The following KAZN variants were observed in gnomAD, a reference collection of about 807,000 sequenced individuals.
KAZN encodes the protein kazrin, periplakin interacting protein, also known as kazrin.
A neutral mutation model predicts 87.4 loss-of-function variants in KAZN; 40 were observed. The observed-to-expected ratio is 0.46, with a 90% CI of 0.36 to 0.60. KAZN has a LOEUF of 0.60. KAZN is among the 20% of genes least tolerant of loss of function. KAZN has a pLI of 0.00. For missense variants in KAZN, 898 were observed against 1,073.9 expected (o/e 0.84, Z 2.29); for synonymous variants, 466 against 458.3 (o/e 1.02, Z -0.22).
intron 1 of KAZN, among the ~76,000 whole-genome samples, chr1:14,117,710 A>C (rs1185568072): frequency 6.6e-6 from 1 of 152,134 alleles, no homozygotes; most frequent in African/African-American, 2.4e-5. Flanking sequence ...GAGCCTGGCC[A>C]TGTCACTTAG....
At chr1:14,818,542 G>A (rs1334618452) in intron 1 of KAZN, among the ~76,000 whole-genome samples, 3 of 152,226 alleles carry the variant, frequency 2.0e-5, no homozygotes, top group Non-Finnish European at 4.4e-5. Flanking sequence ...AGCAGGAGCT[G>A]CAGCTTTGAG....
intron 1 of KAZN, among the ~76,000 whole-genome samples, chr1:14,781,823 C>T (rs1015220399): frequency 3.3e-5 from 5 of 152,174 alleles, no homozygotes; most frequent in Admixed American, 1.3e-4. Flanking sequence ...GCTCAATAAA[C>T]GGAAGCTATT....
At chr1:14,644,800 C>A (rs1387756314) in intron 1 of KAZN, among the ~76,000 whole-genome samples, 1 of 152,174 alleles carries the variant, frequency 6.6e-6, no homozygotes, top group Non-Finnish European at 1.5e-5. Flanking sequence ...TGCAGAAGCT[C>A]TTTAATTAAA....
chr1:15,103,196 G>A (rs1283035645), intron 11 of KAZN, among the ~76,000 whole-genome samples, 163 bp from the exon 12 acceptor site: 1 of 152,176 alleles, frequency 6.6e-6, no homozygotes, highest in African/African-American at 2.4e-5. Flanking sequence ...GAACCTGGGA[G>A]GCGGAGGTTG....
intron 1 of KAZN, among the ~76,000 whole-genome samples, chr1:13,981,738 T>G (rs942839328): frequency 6.6e-6 from 1 of 151,972 alleles, no homozygotes; most frequent in Non-Finnish European, 1.5e-5. Context: ...GAAAGAGAGG[T>G]CAGGGAAGCT....
At chr1:15,028,333 C>T (rs1354981014) in intron 2 of KAZN, among the ~76,000 whole-genome samples, 11 of 152,174 alleles carry the variant, frequency 7.2e-5, no homozygotes, top group African/African-American at 2.4e-4. Flanking sequence ...GAATAGGACC[C>T]GCGTGGGTGA....
intron 4 of KAZN, among the ~76,000 whole-genome samples, chr1:15,055,352 C>T (rs1674838823): frequency 6.6e-6 from 1 of 152,148 alleles, no homozygotes. Flanking sequence ...TGGCACATGC[C>T]TGTAATCCTA....
At chr1:14,542,299 T>TG (rs900755098) in intron 2 of KAZN, among the ~76,000 whole-genome samples, 1 of 29,258 alleles carries the variant, frequency 3.4e-5, no homozygotes, top group Non-Finnish European at 6.4e-5. Context: ...TGTTGTGGGG[T>TG]GGGGGGAGGG....
At chr1:14,945,875 C>G (rs1005102184) in intron 1 of KAZN, 2 of 985,306 alleles carry the variant, frequency 2.0e-6, no homozygotes, top group African/African-American at 3.5e-5. Flanking sequence ...AAGACTTGCT[C>G]TCCTTTCCTG....
intron 2 of KAZN, among the ~76,000 whole-genome samples, chr1:15,000,208 C>T (rs1168180051): frequency 1.3e-5 from 2 of 149,442 alleles, no homozygotes; most frequent in Non-Finnish European, 2.9e-5. Context: ...GACTTTCAGG[C>T]TAGAGGACAG....
intron 2 of KAZN, among the ~76,000 whole-genome samples, chr1:14,574,046 G>T (rs11808907): frequency 0.017 from 2,526 of 152,060 alleles, 77 homozygotes; most frequent in African/African-American, 0.058. Context: ...ATGACATAAC[G>T]TTTCCAATGA....
rs377069945 is a variant in KAZN, at chr1:14,862,986, G to A, written c.227-97698G>A. Among the ~76,000 whole-genome samples, 83 of 152,338 alleles carry A rather than the reference G, an allele frequency of 5.4e-4. 2 individuals carry two copies. The South Asian group carries it at 0.015, about 27-fold the overall frequency. On this transcript the variant is annotated intron_variant, in intron 1 of 14. Coordinates refer to ENST00000376030, the MANE Select transcript of KAZN (RefSeq NM_201628.3). The stretch of plus-strand genomic sequence containing the variant: ...AAGTTACCCGCAAAGCTGAGAAAAG[G>A]TGGAGCTGAGATTCGGTCTTAGGGC...
chr1:14,649,780 C>A (rs1459600139), intron 1 of KAZN, among the ~76,000 whole-genome samples: 1 of 152,172 alleles, frequency 6.6e-6, no homozygotes, highest in Non-Finnish European at 1.5e-5. Flanking sequence ...AACCTCACTC[C>A]AACATCATCT....
chr1:13,963,759 C>CTGTGTGTGTGTG (rs70987708), intron 1 of KAZN, among the ~76,000 whole-genome samples: 19 of 142,006 alleles, frequency 1.3e-4, no homozygotes, highest in South Asian at 4.8e-4. Flanking sequence ...CTGCTGTGGT[C>CTGTGTGTGTGTG]TGTGTGTGTG....
intron 2 of KAZN, among the ~76,000 whole-genome samples, chr1:14,965,329 T>C (rs779347568): frequency 1.3e-5 from 2 of 152,178 alleles, no homozygotes; most frequent in Non-Finnish European, 2.9e-5. Flanking sequence ...TCATCAATGG[T>C]ATCATCTTAT....
chr1:14,620,350 G>A (rs1375397979), intron 1 of KAZN, among the ~76,000 whole-genome samples: 1 of 152,178 alleles, frequency 6.6e-6, no homozygotes, highest in Admixed American at 6.5e-5. Flanking sequence ...ATTCACACAA[G>A]GCTCAGCAAT....
At chr1:14,557,430 T>A (rs1186377323) in intron 2 of KAZN, among the ~76,000 whole-genome samples, 1 of 152,168 alleles carries the variant, frequency 6.6e-6, no homozygotes, top group Non-Finnish European at 1.5e-5. Context: ...GATACATAAA[T>A]GAGAGAATGG....
chr1:14,358,087 CA>C (rs1239621306), intron 2 of KAZN, among the ~76,000 whole-genome samples: 6 of 152,078 alleles, frequency 3.9e-5, no homozygotes, highest in Non-Finnish European at 8.8e-5. Flanking sequence ...ATTACTGCCT[CA>C]ATTTCAGTGC....
chr1:14,688,319 T>G (rs550244608), intron 1 of KAZN, among the ~76,000 whole-genome samples: 158 of 152,294 alleles, frequency 1.0e-3, no homozygotes, highest in Non-Finnish European at 1.8e-3. Context: ...TAAAAGACAG[T>G]GTTGAGCTAG....
Sources: gnomAD v4.1 joint callset for allele counts (sites outside exome capture counted in the v4.1 genomes callset) on GRCh38, gnomAD v4.1.1 for gene constraint, MANE v1.5 for transcripts, NCBI Gene and HGNC (gene_info 2026-07-23, HGNC 2026-07-21) for gene names.